PLXNA1: variants seen among roughly 807,000 people sequenced by gnomAD.
PLXNA1 encodes plexin A1, also known as plexin-A1.
A neutral mutation model predicts 191.7 loss-of-function variants in PLXNA1; 77 were observed. That is an observed-to-expected ratio of 0.40 (90% CI 0.33 to 0.49). The LOEUF is 0.49. Ranked by LOEUF, PLXNA1 falls within the 20% of genes least tolerant of loss-of-function variation. The pLI is 0.63. For synonymous variants in PLXNA1, 1,137 were observed against 1,156.4 expected, an observed-to-expected ratio of 0.98 and a Z score of 0.34; for missense variants, 2,110 against 2,660.2, an observed-to-expected ratio of 0.79 and a Z score of 4.55.
rs898885364 is a variant in PLXNA1 at position 127,008,359 on chromosome 3, G to A, written c.2112+446G>A. Reference sequence around the variant, plus strand: ...TCCATGTTGGGCAGGGGAGCTTGCCGGCCTAGCGTGCCTGAAGGCTGGTGG... The same window carrying A: ...TCCATGTTGGGCAGGGGAGCTTGCCAGCCTAGCGTGCCTGAAGGCTGGTGG... On this transcript the variant is annotated intron_variant, in intron 9 of 31. Transcript: ENST00000393409. 3.9e-5 allele frequency among the ~76,000 whole-genome samples: 6 copies of A among 152,292 alleles called. No homozygotes were observed. The East Asian group carries it at 5.8e-4, about 15-fold the overall frequency.
rs534505359 is a variant in PLXNA1, at chr3:127,028,536, C to T, written c.4669+196C>T. Among the ~76,000 whole-genome samples, 203 of 152,266 alleles carry T rather than the reference C, an allele frequency of 1.3e-3. 1 individual carries two copies. Among genetic ancestry groups the T allele is most frequent in the Non-Finnish European group, 1.3e-3 (86 of 67,996 alleles). ...GTGGCTGCCCTGCTCTGGGCAGAGA[C>T]TCTGGGAGGTGGTGGGTTCCAGTGC... On this transcript the variant is annotated intron_variant, in intron 25 of 31. Transcript: ENST00000393409.
rs763896516 is a variant in PLXNA1 at position 127,028,981 on chromosome 3, C to G, written c.4670-12C>G. 1.9e-6 allele frequency: 3 copies of G among 1,608,950 alleles called. No homozygotes were observed. Among genetic ancestry groups the G allele is most frequent in the Non-Finnish European group, 8.5e-7 (1 of 1,178,256 alleles). On this transcript the variant is annotated splice_polypyrimidine_tract_variant and intron_variant, in intron 25 of 31. Transcript: ENST00000393409. ...CCCAGCGGCCCCACCCTCCAGCTCC[C>G]TCCTCCCCCAGAGTGGCGCCAGGGC...
chr3:126,997,914 G>A (rs192931317), intron 3 of PLXNA1, among the ~76,000 whole-genome samples: 49 of 152,316 alleles, frequency 3.2e-4, no homozygotes, highest in Admixed American at 2.5e-3. Flanking sequence ...GTGTGTGCTC[G>A]GGCTCATGGC....
At chr3:127,030,087 G>T in intron 28 of PLXNA1, 23 bp downstream of exon 28, 1 of 1,607,384 alleles carries the variant, frequency 6.2e-7, no homozygotes, top group Non-Finnish European at 8.5e-7. Context: ...GGCAGATGGG[G>T]GCAGGGGACG....
chr3:126,990,104 T>A (rs1441637921), intron 2 of PLXNA1, among the ~76,000 whole-genome samples: 1 of 152,200 alleles, frequency 6.6e-6, no homozygotes, highest in Non-Finnish European at 1.5e-5. Flanking sequence ...ACATGCCTGG[T>A]CCTACACCTG....
At chr3:127,006,047 G>A (rs1317247413) in intron 7 of PLXNA1, 32 bp from the exon 8 acceptor site, 19 of 1,567,190 alleles carry the variant, frequency 1.2e-5, no homozygotes, top group Admixed American at 1.7e-5. Context: ...TGGGCAAGCA[G>A]TCCTGGTGAC....
At position 126,989,129 on chromosome 3, in the gene PLXNA1, G is replaced by C. The variant is rs1359848712; in HGVS notation, c.536G>C (p.Gly179Ala). Residue 179 changes from glycine to alanine, a missense_variant, in exon 2 of 32, where the codon GGC (glycine) becomes GCC (alanine). Gly to Ala is a moderately conservative substitution (Grantham distance 60). This residue lies in a region of PLXNA1 where 903 missense variants were observed against 1,015.7 expected (regional missense o/e 0.89). Transcript: ENST00000393409. ...GGCGTGCTCATTGCCGGGCCACCGGGCCAGGGCCAGGCCAAGCTCTTCGTG... is the reference window on the plus strand; with the variant it reads ...GGCGTGCTCATTGCCGGGCCACCGGCCCAGGGCCAGGCCAAGCTCTTCGTG... ...MAGVLIAGPP[G>A]QGQAKLFVGT... 1.2e-6 allele frequency: 2 copies of C among 1,613,080 alleles called. No homozygotes were observed. Among genetic ancestry groups the C allele is most frequent in the Non-Finnish European group, 1.7e-6 (2 of 1,180,024 alleles).
intron 8 of PLXNA1, 66 bp from the exon 9 acceptor site, chr3:127,007,730 CCTT>C (rs1576678029): frequency 4.2e-6 from 4 of 943,086 alleles, no homozygotes; most frequent in Non-Finnish European, 6.8e-6. Context: ...GGCACAGTGT[CCTT>C]CTGATCATGG....
At chr3:127,022,417 C>T in intron 22 of PLXNA1, 76 bp downstream of exon 22, 1 of 1,539,430 alleles carries the variant, frequency 6.5e-7, no homozygotes. Context: ...CTAGCAGGCC[C>T]AGAGACGTTG....
chr3:127,001,292 C>A (rs778580435), intron 3 of PLXNA1, among the ~76,000 whole-genome samples: 9 of 152,312 alleles, frequency 5.9e-5, no homozygotes, highest in Non-Finnish European at 1.2e-4. Context: ...GCCTTGCAGG[C>A]CGGGCCAGGG....
At chr3:127,029,744 T>G in intron 27 of PLXNA1, 130 bp from the exon 28 acceptor site, 3 of 1,162,158 alleles carry the variant, frequency 2.6e-6, no homozygotes, top group Non-Finnish European at 3.6e-6. Context: ...GCCACCTCTG[T>G]GGTGTCATCG....
intron 2 of PLXNA1, among the ~76,000 whole-genome samples, chr3:126,991,043 A>G (rs1031480468): frequency 2.6e-5 from 4 of 152,058 alleles, no homozygotes; most frequent in African/African-American, 9.7e-5. Flanking sequence ...TCTGCAGACA[A>G]GGACCATCTG....
In PLXNA1 at chr3:126,991,313, C is replaced by G. The variant is rs2078988828; in HGVS notation, c.1195-71C>G. On this transcript the variant is annotated intron_variant, in intron 2 of 31. Coordinates refer to ENST00000393409, the MANE Select transcript of PLXNA1 (RefSeq NM_032242.4). ...TAGAAAGACAACTGCACTCCCAGCC[C>G]TGCCCAGGGAGGCCCAGTCCTCCGG... 17 of 1,561,742 alleles carry G rather than the reference C, an allele frequency of 1.1e-5. No homozygotes were observed. The East Asian group carries it at 3.9e-4, about 35-fold the overall frequency.
rs1477060749 is a variant in PLXNA1, at chr3:127,017,853, G to C, written c.3621G>C (p.Leu1207=). 6.2e-7 allele frequency: 1 copy of C among 1,612,846 alleles called. No individual in the cohort carries two copies. Among genetic ancestry groups the C allele is most frequent in the African/African-American group, 1.3e-5 (1 of 75,038 alleles). Reference sequence around the variant, plus strand: ...TCACCGTGTCGGAGACGCAACTGCTGTGCGAGGCGCCCAACCTCACTGGGC... The same window carrying C: ...TCACCGTGTCGGAGACGCAACTGCTCTGCGAGGCGCCCAACCTCACTGGGC... The part of the protein sequence containing the change: ...CTLTVSETQL[L]CEAPNLTGQH... Residue 1207 remains leucine, a synonymous_variant, in exon 19 of 32, where the codon CTG becomes CTC. Coordinates refer to ENST00000393409, the MANE Select transcript of PLXNA1 (RefSeq NM_032242.4).
intron 3 of PLXNA1, among the ~76,000 whole-genome samples, chr3:127,000,984 G>A (rs1382445229): frequency 2.0e-5 from 3 of 152,182 alleles, no homozygotes; most frequent in African/African-American, 7.2e-5. Context: ...GAGGTGGCAG[G>A]TGGGTGGACA....
intron 10 of PLXNA1, 139 bp from the exon 11 acceptor site, chr3:127,013,881 A>G: frequency 1.3e-6 from 1 of 758,314 alleles, no homozygotes; most frequent in Non-Finnish European, 2.4e-6. Flanking sequence ...AGTCCTGTGT[A>G]GGATGAGGGT....
chr3:127,026,129 G>A (rs189441588), intron 23 of PLXNA1, among the ~76,000 whole-genome samples: 11 of 152,242 alleles, frequency 7.2e-5, no homozygotes, highest in Non-Finnish European at 8.8e-5. Context: ...CCTTTTCCCC[G>A]TCACTGCACG....
rs533834426 is a variant in PLXNA1 at position 127,034,376 on chromosome 3, A to T, written c.*359A>T. 5.1e-6 allele frequency: 1 copy of T among 194,356 alleles called. No homozygotes were observed. The highest frequency in any genetic ancestry group is 1.2e-4 in the East Asian group (1 of 8,594). 12.0% of individuals were successfully genotyped at this position (194,356 alleles called of 1,614,324 possible). A position where few individuals can be genotyped will look rare whatever the true frequency, so the allele number is the denominator to read the frequency against. ...GGTGAGGCCAGGGCCCTCCAGGGGG[A>T]GGGGTAGCCAGCTTGGGCTGTCCCC... On this transcript the variant is annotated 3_prime_UTR_variant, in exon 32 of 32. Transcript: ENST00000393409.
intron 25 of PLXNA1, 126 bp from the exon 26 acceptor site, chr3:127,028,867 G>T: frequency 1.5e-6 from 1 of 657,298 alleles, no homozygotes; most frequent in Non-Finnish European, 2.6e-6. Flanking sequence ...CAGCAGGGGC[G>T]GAGGTATGTC....
Sources: allele counts gnomAD v4.1 joint callset (sites outside exome capture counted in the v4.1 genomes callset), GRCh38; gene constraint gnomAD v4.1.1; regional missense constraint gnomAD v4.1.1; transcripts MANE v1.5; gene names NCBI Gene and HGNC (gene_info 2026-07-23, HGNC 2026-07-21).